The following LRP2 variants were observed in gnomAD, a reference collection of about 807,000 sequenced individuals.
LRP2 encodes low-density lipoprotein receptor-related protein 2.
Under a neutral mutation model 531.0 loss-of-function variants are expected in LRP2, and 172 were observed. That is an observed-to-expected ratio of 0.32 (90% CI 0.29 to 0.37). LRP2 has a LOEUF of 0.37. Among genes scored for constraint, LRP2 ranks in the 10% least tolerant of loss-of-function variants. The pLI, the probability that LRP2 is intolerant of heterozygous loss-of-function variation, is 1.00. For missense variants in LRP2, 5,167 were observed against 5,868.3 expected, an observed-to-expected ratio of 0.88 and a Z score of 3.90; for synonymous variants, 1,992 against 2,027.6, an observed-to-expected ratio of 0.98 and a Z score of 0.47.
At chr2:169,303,303 CT>C (rs1168141330) in intron 4 of LRP2, among the ~76,000 whole-genome samples, 1 of 152,240 alleles carries the variant, frequency 6.6e-6, no homozygotes, top group Non-Finnish European at 1.5e-5. Context: ...AAAGCAAAAT[CT>C]TTTAAGAGCA....
intron 57 of LRP2, 102 bp downstream of exon 57, chr2:169,172,994 A>G (rs539972809): frequency 1.4e-6 from 2 of 1,474,662 alleles, no homozygotes; most frequent in East Asian, 4.5e-5. Context: ...TAAACAAAGA[A>G]AAGATGACAT....
In LRP2 at chr2:169,215,664, A is replaced by G. The variant is rs561862917; in HGVS notation, c.5826+589T>C. Reference sequence around the variant, plus strand: ...ACCTATATCCTATACAGATATATAAATTCTATATTCTATATATAATAGATA... The same window carrying G: ...ACCTATATCCTATACAGATATATAAGTTCTATATTCTATATATAATAGATA... On this transcript the variant is annotated intron_variant, in intron 35 of 78. Coordinates refer to ENST00000649046, the MANE Select transcript of LRP2 (RefSeq NM_004525.3). 2.0e-3 allele frequency among the ~76,000 whole-genome samples: 295 copies of G among 148,780 alleles called. 1 individual carries two copies. The highest frequency in any genetic ancestry group is 6.9e-3 in the African/African-American group (283 of 40,938).
intron 31 of LRP2, among the ~76,000 whole-genome samples, chr2:169,228,957 G>A (rs1441476671): frequency 6.6e-6 from 1 of 152,122 alleles, no homozygotes; most frequent in African/African-American, 2.4e-5. Flanking sequence ...AGAGGACTGG[G>A]GAAGTAACAA....
intron 18 of LRP2, among the ~76,000 whole-genome samples, chr2:169,256,763 T>A (rs1690320510): frequency 6.6e-6 from 1 of 152,088 alleles, no homozygotes; most frequent in African/African-American, 2.4e-5. Flanking sequence ...CTCAAGATGT[T>A]CCCTGTAAGA....
At position 169,312,582 on chromosome 2, in the gene LRP2, T is replaced by A. The variant is rs1348182551; in HGVS notation, c.311-5185A>T. 2.0e-5 allele frequency among the ~76,000 whole-genome samples: 3 copies of A among 152,386 alleles called. No homozygotes were observed. The East Asian group carries it at 5.8e-4, about 29-fold the overall frequency. ...TCTGCCGAGAGATCAGCTGTTAGTC[T>A]GATGGGCTTCCCTTTGTGGGTAACC... On this transcript the variant is annotated intron_variant, in intron 3 of 78. Transcript: ENST00000649046.
At chr2:169,267,489 G>A (rs562065437) in intron 16 of LRP2, among the ~76,000 whole-genome samples, 1 of 152,086 alleles carries the variant, frequency 6.6e-6, no homozygotes, top group Non-Finnish European at 1.5e-5. Context: ...ACTGAACAAC[G>A]TGCTCCTGAA....
Position 169,146,819 on chromosome 2 carries a change from A to G in LRP2, c.12731T>C (p.Ile4244Thr). The change falls in exon 69 of 79, where the codon ATC (isoleucine) becomes ACC (threonine). Residue 4244 changes from isoleucine (I) to threonine (T), a missense_variant. Physicochemically the swap from Ile to Thr is moderately conservative, Grantham distance 89. This residue lies in a region of LRP2 where 564 missense variants were observed against 747.7 expected (regional missense o/e 0.75). Coordinates refer to ENST00000649046, the MANE Select transcript of LRP2 (RefSeq NM_004525.3). ...LSIDYLNNDRIYWSDFKEDVI... is the reference protein window; with the variant it reads ...LSIDYLNNDRTYWSDFKEDVI... ...GTCCTCCTTGAAGTCACTCCAGTAG[A>G]TTCGGTCATTGTTCAAATAATCGAT... 2 of 1,614,178 alleles carry G rather than the reference A, an allele frequency of 1.2e-6. No individual in the cohort carries two copies. Among genetic ancestry groups the G allele is most frequent in the Non-Finnish European group, 1.7e-6 (2 of 1,180,004 alleles).
At chr2:169,284,984 C>A (rs1431234594) in intron 9 of LRP2, among the ~76,000 whole-genome samples, 1 of 152,096 alleles carries the variant, frequency 6.6e-6, no homozygotes, top group African/African-American at 2.4e-5. Flanking sequence ...AAATGCCCTT[C>A]CTATCACCTG....
chr2:169,205,928 C>A (rs1688368229), intron 40 of LRP2, 95 bp downstream of exon 40: 2 of 1,468,490 alleles, frequency 1.4e-6, no homozygotes, highest in Non-Finnish European at 1.9e-6. Flanking sequence ...GTTTTATAAG[C>A]CCATAACACA....
chr2:169,263,180 C>T (rs1441314430), intron 16 of LRP2, among the ~76,000 whole-genome samples: 1 of 152,102 alleles, frequency 6.6e-6, no homozygotes, highest in African/African-American at 2.4e-5. Context: ...AGGACATAGG[C>T]ATGGGCAAAG....
intron 1 of LRP2, among the ~76,000 whole-genome samples, chr2:169,338,347 G>GGAAAGAAGGAAA (rs1685465275): frequency 9.1e-6 from 1 of 109,898 alleles, no homozygotes; most frequent in African/African-American, 3.5e-5. Flanking sequence ...AAAGAAAGAA[G>GGAAAGAAGGAAA]GAAAGAAAGA....
intron 71 of LRP2, 94 bp from the exon 72 acceptor site, chr2:169,140,639 G>A: frequency 2.3e-6 from 2 of 858,966 alleles, no homozygotes. Flanking sequence ...GTGGGAGGAG[G>A]GGCAGGCCAG....
intron 4 of LRP2, among the ~76,000 whole-genome samples, chr2:169,304,227 G>C (rs1455496106): frequency 6.6e-6 from 1 of 152,146 alleles, no homozygotes; most frequent in African/African-American, 2.4e-5. Context: ...TTTGGCTGGT[G>C]GTACAGGCCT....
chr2:169,193,767 G>T lies in LRP2; in HGVS notation c.8824C>A (p.Gln2942Lys), dbSNP rs745338140. 6.2e-7 allele frequency: 1 copy of T among 1,614,104 alleles called. No homozygotes were observed. The highest frequency in any genetic ancestry group is 1.1e-5 in the South Asian group (1 of 91,068). Residue 2942 changes from glutamine to lysine, a missense_variant, in exon 47 of 79, where the codon CAG becomes AAG. Coordinates refer to ENST00000649046, the MANE Select transcript of LRP2 (RefSeq NM_004525.3). ...GDMSDEDKRH[Q>K]CQNQNCSDSE... ...ATTAATTGGCTTCACTTACGACACT[G>T]GTGCCTTTTATCCTCGTCACTCATA...
rs772362842 is a variant in LRP2, at chr2:169,294,716, G to GT, written c.428-7dup. The stretch of plus-strand genomic sequence containing the variant: ...CTGCTCACATGTTGGGTACTCTATT[G>GT]TAAAAAAAAAAAAAAAAAAAAAAAG... On this transcript the variant is annotated splice_polypyrimidine_tract_variant and splice_region_variant and intron_variant, in intron 4 of 78. Coordinates refer to ENST00000649046, the MANE Select transcript of LRP2 (RefSeq NM_004525.3). 2.0e-6 allele frequency: 1 copy of GT among 488,544 alleles called. No individual in the cohort carries two copies. Among genetic ancestry groups the GT allele is most frequent in the South Asian group, 1.9e-5 (1 of 53,878 alleles). The allele number at this position is 488,544 out of a possible 1,614,324, so 30.3% of individuals were successfully genotyped here.
chr2:169,173,780 G>T, intron 56 of LRP2, 139 bp downstream of exon 56: 1 of 1,177,842 alleles, frequency 8.5e-7, no homozygotes, highest in African/African-American at 1.5e-5. Context: ...GCCTTGCAGT[G>T]CCAGAGTTTG....
intron 55 of LRP2, 144 bp downstream of exon 55, chr2:169,175,049 A>G (rs1226826509): frequency 1.3e-6 from 1 of 763,790 alleles, no homozygotes; most frequent in Non-Finnish European, 2.1e-6. Context: ...CTTCATAAAA[A>G]TAGAAAAAGG....
chr2:169,335,726 A>C (rs569432202), intron 1 of LRP2, among the ~76,000 whole-genome samples: 4 of 152,226 alleles, frequency 2.6e-5, no homozygotes, highest in Non-Finnish European at 4.4e-5. Context: ...TCCTAAAAGC[A>C]TGAAAGGCCA....
rs1450677994 is a variant in LRP2 at position 169,308,392 on chromosome 2, G to A, written c.311-995C>T. ...TCCCCTCTCCCCTACCCCACGACAG[G>A]ACCCAGTTTGTGATGTTCCCCATCC... On this transcript the variant is annotated intron_variant, in intron 3 of 78. Coordinates refer to ENST00000649046, the MANE Select transcript of LRP2 (RefSeq NM_004525.3). 2.6e-5 allele frequency among the ~76,000 whole-genome samples: 4 copies of A among 151,960 alleles called. No individual in the cohort carries two copies. The East Asian group carries it at 7.7e-4, about 29-fold the overall frequency.
Sources: allele counts gnomAD v4.1 joint callset (sites outside exome capture counted in the v4.1 genomes callset), GRCh38; gene constraint gnomAD v4.1.1; regional missense constraint gnomAD v4.1.1; transcripts MANE v1.5; gene names NCBI Gene and HGNC (gene_info 2026-07-23, HGNC 2026-07-21).